NRXN1: variants seen among roughly 807,000 people sequenced by gnomAD.
NRXN1 encodes the protein neurexin-1.
NRXN1 carries 39 observed loss-of-function variants against 150.9 expected under a neutral mutation model. The ratio of observed to expected loss-of-function variants is 0.26; its 90% confidence interval spans 0.20 to 0.34. The LOEUF is 0.34. Ranked by LOEUF, NRXN1 falls within the 10% of genes least tolerant of loss-of-function variation. The probability of loss-of-function intolerance (pLI) is 1.00; values close to 1 mark genes in which losing one functional copy is unlikely to be tolerated. For synonymous variants in NRXN1, 924 were observed against 757.0 expected (o/e 1.22, Z -3.62); for missense variants, 1,815 against 1,949.9 (o/e 0.93, Z 1.30).
intron 12 of NRXN1, among the ~76,000 whole-genome samples, chr2:50,510,332 A>G (rs554833411): frequency 1.3e-5 from 2 of 151,946 alleles, no homozygotes; most frequent in East Asian, 3.9e-4. Flanking sequence ...CTAAAAATAC[A>G]AAAAATAGCT....
chr2:50,308,014 T>C (rs1450250069), intron 17 of NRXN1, among the ~76,000 whole-genome samples: 1 of 152,234 alleles, frequency 6.6e-6, no homozygotes, highest in East Asian at 1.9e-4. Context: ...ACATATGTAA[T>C]GAAATATTTA....
At position 50,347,704 on chromosome 2, in the gene NRXN1, A is replaced by G. The variant is rs898446317; in HGVS notation, c.3365-110734T>C. 3 of 987,496 alleles carry G rather than the reference A, an allele frequency of 3.0e-6. No homozygotes were observed. Among genetic ancestry groups the G allele is most frequent in the Admixed American group, 6.0e-5 (1 of 16,530 alleles). The allele number at this position is 987,496 out of a possible 1,614,324, so 61.2% of individuals were successfully genotyped here. On this transcript the variant is annotated intron_variant, in intron 17 of 22. Coordinates refer to ENST00000401669, the MANE Select transcript of NRXN1 (RefSeq NM_001330078.2). The surrounding 1 kb of genome is among the most constrained non-coding windows in gnomAD (Gnocchi z 4.9). Reference sequence around the variant, plus strand: ...GGAAAGGCAGCTGAGAAGAAGATGCAGACGAAGGAGTAAGGGAGAGAAACA... The same window carrying G: ...GGAAAGGCAGCTGAGAAGAAGATGCGGACGAAGGAGTAAGGGAGAGAAACA...
chr2:50,770,682 T>A (rs1702906394), intron 5 of NRXN1, among the ~76,000 whole-genome samples: 1 of 152,042 alleles, frequency 6.6e-6, no homozygotes. Context: ...TCTTTTAAAT[T>A]TTTTATTACT....
intron 17 of NRXN1, among the ~76,000 whole-genome samples, chr2:50,256,927 C>T (rs377326937): frequency 7.2e-5 from 11 of 152,076 alleles, no homozygotes; most frequent in African/African-American, 2.2e-4. Context: ...TATCCTAGGA[C>T]GACTGAAATG....
At chr2:50,597,416 G>C (rs1421673148) in intron 8 of NRXN1, among the ~76,000 whole-genome samples, 2 of 152,144 alleles carry the variant, frequency 1.3e-5, no homozygotes, top group African/African-American at 4.8e-5. Flanking sequence ...TTCCTCTTGT[G>C]TTAACTGTCA....
intron 21 of NRXN1, among the ~76,000 whole-genome samples, chr2:49,977,922 G>T (rs1396815803): frequency 6.6e-6 from 1 of 152,146 alleles, no homozygotes; most frequent in African/African-American, 2.4e-5. Flanking sequence ...CCAGCACTTT[G>T]GGATGCTGAG....
At chr2:50,724,204 C>T (rs1697028283) in intron 5 of NRXN1, among the ~76,000 whole-genome samples, 1 of 145,598 alleles carries the variant, frequency 6.9e-6, no homozygotes, top group African/African-American at 2.4e-5. Flanking sequence ...AGTATCTGAT[C>T]CAGAAAAGAA....
intron 18 of NRXN1, among the ~76,000 whole-genome samples, chr2:50,109,015 A>G (rs942050670): frequency 2.6e-5 from 4 of 152,146 alleles, no homozygotes; most frequent in Admixed American, 2.6e-4. Context: ...TCTCATAAGG[A>G]GTGGCAAAGA....
Position 50,931,954 on chromosome 2 carries a change from T to C in NRXN1, c.773-5999A>G, listed in dbSNP as rs111384898. 5.3e-3 allele frequency among the ~76,000 whole-genome samples: 810 copies of C among 151,980 alleles called. 12 individuals are homozygous for C. The highest frequency in any genetic ancestry group is 0.019 in the African/African-American group (778 of 41,510). On this transcript the variant is annotated intron_variant, in intron 2 of 22. Coordinates refer to ENST00000401669, the MANE Select transcript of NRXN1 (RefSeq NM_001330078.2). ...TTGGCTCACTGCAGCCTCTGTCTCC[T>C]GGGTTCAAGCAATTCTCCTGCCTCA...
rs200994555 is a variant in NRXN1 at position 50,014,095 on chromosome 2, G to GT, written c.4128+39175dup. Among the ~76,000 whole-genome samples, 742 of 148,560 alleles carry GT rather than the reference G, an allele frequency of 5.0e-3. 3 individuals are homozygous for GT. Among genetic ancestry groups the GT allele is most frequent in the Middle Eastern group, 0.01 (3 of 290 alleles). On this transcript the variant is annotated intron_variant, in intron 21 of 22. Transcript: ENST00000401669. ...ACCATGTGTCTAGACTAAAGAGCTT[G>GT]TTTTTTTTTTGTTTTTGTTTTTGTT...
At chr2:50,505,169 T>C (rs1305233459) in intron 13 of NRXN1, among the ~76,000 whole-genome samples, 1 of 152,114 alleles carries the variant, frequency 6.6e-6, no homozygotes, top group Non-Finnish European at 1.5e-5. Flanking sequence ...ATACACTTAC[T>C]AGATATTGAC....
intron 2 of NRXN1, among the ~76,000 whole-genome samples, chr2:50,943,922 T>G (rs148645192): frequency 1.5e-3 from 224 of 152,270 alleles, no homozygotes; most frequent in African/African-American, 5.1e-3. Flanking sequence ...GAAGCAAATA[T>G]TATTTTTGGA....
chr2:49,982,998 C>T (rs538687134), intron 21 of NRXN1, among the ~76,000 whole-genome samples: 8 of 152,198 alleles, frequency 5.3e-5, no homozygotes, highest in South Asian at 2.1e-4. Context: ...TATCTGGGGA[C>T]GCCCTTTTCC....
At chr2:50,610,943 A>T (rs368628635) in intron 8 of NRXN1, among the ~76,000 whole-genome samples, 1 of 149,658 alleles carries the variant, frequency 6.7e-6, no homozygotes, top group Non-Finnish European at 1.5e-5. Flanking sequence ...ATGGGATTTC[A>T]CCATGTTGGC....
chr2:50,712,935 G>A (rs1357848790), intron 5 of NRXN1, among the ~76,000 whole-genome samples: 4 of 152,126 alleles, frequency 2.6e-5, no homozygotes, highest in South Asian at 2.1e-4. Flanking sequence ...TTATCTGATG[G>A]AAATGATATC....
At chr2:51,012,128 G>A (rs539714416) in intron 2 of NRXN1, among the ~76,000 whole-genome samples, 4 of 152,036 alleles carry the variant, frequency 2.6e-5, no homozygotes, top group South Asian at 2.1e-4. Context: ...TGACCAAAAC[G>A]TTGTTTCACC....
intron 19 of NRXN1, among the ~76,000 whole-genome samples, chr2:50,075,835 T>C (rs1697011958): frequency 1.3e-5 from 2 of 151,752 alleles, no homozygotes; most frequent in African/African-American, 2.4e-5. Flanking sequence ...AATCTGGCTA[T>C]GTACATGCAC....
chr2:50,533,178 T>C (rs1490110245), intron 10 of NRXN1, among the ~76,000 whole-genome samples: 1 of 152,116 alleles, frequency 6.6e-6, no homozygotes, highest in Non-Finnish European at 1.5e-5. Context: ...TTAGGTTAGC[T>C]CCCTTCTCTT....
At chr2:50,768,396 T>C (rs1463310417) in intron 5 of NRXN1, among the ~76,000 whole-genome samples, 2 of 151,850 alleles carry the variant, frequency 1.3e-5, no homozygotes, top group Admixed American at 1.3e-4. Context: ...GGAGCCTCCA[T>C]CACCTGAGCT....
Sources: allele counts gnomAD v4.1 joint callset (sites outside exome capture counted in the v4.1 genomes callset), GRCh38; gene constraint gnomAD v4.1.1; non-coding constraint Gnocchi (gnomAD v3.1); transcripts MANE v1.5; gene names NCBI Gene and HGNC (gene_info 2026-07-23, HGNC 2026-07-21).